Variants in PPL observed in about 807,000 individuals in gnomAD.
The protein encoded by PPL is 190 kDa paraneoplastic pemphigus antigen.
In PPL, 198 loss-of-function variants were observed where a neutral mutation model predicts 194.4. That is an observed-to-expected ratio of 1.02 (90% CI 0.91 to 1.15). The LOEUF is 1.15. Ranked by LOEUF, PPL falls within the 50% of genes most tolerant of loss-of-function variation. PPL has a pLI of 0.00. For missense variants in PPL, 2,885 were observed against 2,294.8 expected (o/e 1.26, Z -5.25); for synonymous variants, 1,220 against 972.4 (o/e 1.25, Z -4.74).
At position 4,890,690 on chromosome 16, in the gene PPL, CA is replaced by C. The variant is rs2088302347; in HGVS notation, c.2162+37del. 2.6e-6 allele frequency: 4 copies of C among 1,563,684 alleles called. No individual in the cohort carries two copies. The Admixed American group carries it at 6.1e-5, about 24-fold the overall frequency. On this transcript the variant is annotated intron_variant, in intron 17 of 21. Coordinates refer to ENST00000345988, the MANE Select transcript of PPL (RefSeq NM_002705.5). ...CTTAGAGGGAATTAGATCGCATTCT[CA>C]GAAAACAAAAATGGCCACCACCCAC...
intron 19 of PPL, chr16:4,888,617 A>C: frequency 3.0e-6 from 1 of 327,896 alleles, no homozygotes; most frequent in Admixed American, 4.4e-5. Context: ...GTGCTGATTC[A>C]CGCAGCTTTC....
At chr16:4,891,786 C>T (rs1347546452) in intron 16 of PPL, 25 bp downstream of exon 16, 2 of 1,589,828 alleles carry the variant, frequency 1.3e-6, no homozygotes, top group Admixed American at 3.5e-5. Flanking sequence ...GAGAAGGACT[C>T]CCAGGACTTG....
In PPL at chr16:4,885,976, C is replaced by A. The variant is rs757653380; in HGVS notation, c.2679G>T (p.Trp893Cys). The A allele has an allele frequency of 1.2e-6, 2 of 1,610,936 alleles. No individual in the cohort carries two copies. Among genetic ancestry groups the A allele is most frequent in the African/African-American group, 2.8e-5 (2 of 72,170 alleles). Residue 893 changes from tryptophan (W) to cysteine (C), a missense_variant, in exon 22 of 22, where the codon TGG (tryptophan) becomes TGT (cysteine). Trp to Cys is a radical substitution (Grantham distance 215, BLOSUM62 -2). Coordinates refer to ENST00000345988, the MANE Select transcript of PPL (RefSeq NM_002705.5). This position sits in a 1 kb window ranked among gnomAD's most constrained non-coding sequence, Gnocchi z 6.3. ...CCTCATCCAGTTCCTTCCTGATCTT[C>A]CACGCCTCCTCCACTCCAGAGTCCG... ...NRPDSGVEEAWKIRKELDEET... is the reference protein window; with the variant it reads ...NRPDSGVEEACKIRKELDEET...
Position 4,890,727 on chromosome 16 carries a change from C to A in PPL, c.2162+1G>T, listed in dbSNP as rs2039211818. The A allele has an allele frequency of 6.2e-7, 1 of 1,604,300 alleles. No homozygotes were observed. The highest frequency in any genetic ancestry group is 8.5e-7 in the Non-Finnish European group (1 of 1,175,890). On this transcript the variant is annotated splice_donor_variant, in intron 17 of 21. Transcript: ENST00000345988. LOFTEE classifies it high-confidence loss of function. ...ATGGCCACCACCCACCGCACCCTCA[C>A]CTGCGTTCCACCTGCTGGCGCAGGT...
Position 4,886,079 on chromosome 16 carries a change from C to T in PPL, c.2608-32G>A. On this transcript the variant is annotated intron_variant, in intron 21 of 21. Transcript: ENST00000345988. ...TGGAGAAGACAAGACAAGGTTAAAG[C>T]CAGGCTCTGGCAGCACATGTAGGGC... 5 of 1,612,828 alleles carry T rather than the reference C, an allele frequency of 3.1e-6. No individual in the cohort carries two copies. In the African/African-American group the frequency reaches 4.0e-5, roughly 13 times the overall value.
intron 1 of PPL, among the ~76,000 whole-genome samples, chr16:4,920,336 AGAGAGAGAGAG>A (rs2089018246): frequency 4.4e-5 from 2 of 45,310 alleles, no homozygotes; most frequent in Admixed American, 3.5e-4. Context: ...AGAAAGAAAG[AGAGAGAGAGAG>A]AAAGAAAGAA....
rs1194128488 is a variant in PPL at position 4,902,290 on chromosome 16, C to T, written c.438+116G>A. 5.4e-6 allele frequency: 8 copies of T among 1,485,570 alleles called. No homozygotes were observed. Among genetic ancestry groups the T allele is most frequent in the Non-Finnish European group, 5.4e-6 (6 of 1,102,342 alleles). 92.0% of individuals were successfully genotyped at this position (1,485,570 alleles called of 1,614,324 possible). A position where few individuals can be genotyped will look rare whatever the true frequency, so the allele number is the denominator to read the frequency against. Reference sequence around the variant, plus strand: ...GCACACTGGAAAACCATCAGGACCACGACTGTCTCCCTGGTAAGACCCGGG... The same window carrying T: ...GCACACTGGAAAACCATCAGGACCATGACTGTCTCCCTGGTAAGACCCGGG... On this transcript the variant is annotated intron_variant, in intron 4 of 21. Coordinates refer to ENST00000345988, the MANE Select transcript of PPL (RefSeq NM_002705.5). The surrounding 1 kb of genome is among the most constrained non-coding windows in gnomAD (Gnocchi z 4.0).
chr16:4,935,733 C>T (rs930796245), intron 1 of PPL, among the ~76,000 whole-genome samples: 7 of 152,226 alleles, frequency 4.6e-5, no homozygotes, highest in Non-Finnish European at 8.8e-5. Flanking sequence ...TAGGGCCCCG[C>T]CGCCTGCACC....
At chr16:4,900,235 G>A (rs989993466) in intron 6 of PPL, among the ~76,000 whole-genome samples, 2 of 152,062 alleles carry the variant, frequency 1.3e-5, no homozygotes, top group African/African-American at 4.8e-5. Flanking sequence ...AAAATGGAAA[G>A]CTTTTGTATA....
intron 1 of PPL, among the ~76,000 whole-genome samples, chr16:4,917,159 CA>C (rs976917930): frequency 4.6e-5 from 7 of 151,776 alleles, no homozygotes; most frequent in African/African-American, 1.5e-4. Context: ...AAAACAAAAA[CA>C]AAAAAACAAA....
chr16:4,930,010 C>T (rs1182777898), intron 1 of PPL, among the ~76,000 whole-genome samples: 1 of 152,250 alleles, frequency 6.6e-6, no homozygotes, highest in East Asian at 1.9e-4. Context: ...TACATAGACA[C>T]ATCTGCATTC....
Position 4,884,800 on chromosome 16 carries a change from C to G in PPL, c.3855G>C (p.Gln1285His), listed in dbSNP as rs770493618. The change falls in exon 22 of 22, where the codon CAG becomes CAC. Residue 1285 changes from glutamine (Q) to histidine (H), a missense_variant. Transcript: ENST00000345988. This position sits in a 1 kb window ranked among gnomAD's most constrained non-coding sequence, Gnocchi z 5.7. ...EIQALKDTKP[Q>H]VQTKEVVQEI... is the part of the protein sequence containing the mutation. ...CCTGGACCACCTCTTTGGTCTGGAC[C>G]TGGGGTTTGGTGTCTTTCAGGGCCT... The G allele has an allele frequency of 8.1e-6, 13 of 1,613,966 alleles. No individual in the cohort carries two copies. The highest frequency in any genetic ancestry group is 1.1e-5 in the Non-Finnish European group (13 of 1,180,030).
rs140480037 is a variant in PPL at position 4,888,180 on chromosome 16, G to C, written c.2436C>G (p.Leu812=). Reference sequence around the variant, plus strand: ...GGCTTCTCCTTCCATTCTCCAAGTCGAGAAGAGACCTTAGTTTTTCTGCTT... The same window carrying C: ...GGCTTCTCCTTCCATTCTCCAAGTCCAGAAGAGACCTTAGTTTTTCTGCTT... ...ELEAEKLRSL[L]DLENGRRSHV... Residue 812 remains leucine (L), a synonymous_variant, in exon 20 of 22, where the codon CTC becomes CTG. Coordinates refer to ENST00000345988, the MANE Select transcript of PPL (RefSeq NM_002705.5). 88 of 1,613,588 alleles carry C rather than the reference G, an allele frequency of 5.5e-5. No individual in the cohort carries two copies. Among genetic ancestry groups the C allele is most frequent in the Non-Finnish European group, 7.3e-5 (86 of 1,179,518 alleles).
At position 4,903,965 on chromosome 16, in the gene PPL, T is replaced by C. The variant is rs755741087; in HGVS notation, c.238A>G (p.Lys80Glu). The C allele has an allele frequency of 6.8e-6, 11 of 1,613,984 alleles. No homozygotes were observed. The highest frequency in any genetic ancestry group is 9.3e-6 in the Non-Finnish European group (11 of 1,180,036). The change falls in exon 3 of 22, where the codon AAG becomes GAG. Residue 80 changes from lysine to glutamate, a missense_variant. Physicochemically the swap from Lys to Glu is moderately conservative, Grantham distance 56. Transcript: ENST00000345988. ...TCCGCCTCTAGCACATAGAGCAGCT[T>C]CTCAGAGTCCAACACCTTCTGCAGG... ...VTLQKVLDSE[K>E]LLYVLEADAA...
At chr16:4,932,572 C>G (rs114424788) in intron 1 of PPL, among the ~76,000 whole-genome samples, 3,196 of 152,086 alleles carry the variant, frequency 0.021, 131 homozygotes, top group African/African-American at 0.074. Flanking sequence ...CGCCACCACA[C>G]CCAGCTAATT....
At position 4,884,323 on chromosome 16, in the gene PPL, C is replaced by A. The variant is rs199867431; in HGVS notation, c.4332G>T (p.Thr1444=). 2 of 1,613,086 alleles carry A rather than the reference C, an allele frequency of 1.2e-6. No homozygotes were observed. Among genetic ancestry groups the A allele is most frequent in the Admixed American group, 3.4e-5 (2 of 59,650 alleles). The part of the protein sequence containing the change: ...EAEAREKVTH[T]QKVVLQQDPQ... The stretch of plus-strand genomic sequence containing the variant: ...GGTCCTGCTGCAGCACCACCTTCTG[C>A]GTATGGGTTACCTTCTCACGGGCCT... The change falls in exon 22 of 22, where the codon ACG becomes ACT. Residue 1444 remains threonine, a synonymous_variant. Transcript: ENST00000345988. The surrounding 1 kb of genome is among the most constrained non-coding windows in gnomAD (Gnocchi z 5.7).
Position 4,885,308 on chromosome 16 carries a change from T to G in PPL, c.3347A>C (p.Glu1116Ala). 1 of 1,612,284 alleles carries G rather than the reference T, an allele frequency of 6.2e-7. No homozygotes were observed. The highest frequency in any genetic ancestry group is 8.5e-7 in the Non-Finnish European group (1 of 1,179,904). Residue 1116 changes from glutamate to alanine, a missense_variant, in exon 22 of 22, where the codon GAG becomes GCG. Glu to Ala is a moderately radical substitution (Grantham distance 107, BLOSUM62 -1). Transcript: ENST00000345988. This position sits in a 1 kb window ranked among gnomAD's most constrained non-coding sequence, Gnocchi z 6.3. ...AMAEGKITVK[E>A]VLKVEKDAAT... ...CGCGTCCTTCTCCACCTTGAGCACC[T>G]CCTTGACGGTGATCTTGCCCTCGGC... is the stretch of plus-strand genomic sequence containing the variant.
chr16:4,916,613 T>A (rs1348526905), intron 1 of PPL, among the ~76,000 whole-genome samples: 1 of 151,866 alleles, frequency 6.6e-6, no homozygotes, highest in East Asian at 1.9e-4. Flanking sequence ...TCAAGCAATC[T>A]TTGTACCTCA....
At chr16:4,899,458 GC>G in intron 6 of PPL, 74 bp from the exon 7 acceptor site, 1 of 1,525,052 alleles carries the variant, frequency 6.6e-7, no homozygotes, top group South Asian at 1.3e-5. Context: ...CCTACCTCCT[GC>G]AGGGCCCAGC....
Sources: gnomAD v4.1 joint callset for allele counts (sites outside exome capture counted in the v4.1 genomes callset) on GRCh38, gnomAD v4.1.1 for gene constraint, Gnocchi (gnomAD v3.1) non-coding constraint, MANE v1.5 for transcripts, NCBI Gene and HGNC (gene_info 2026-07-23, HGNC 2026-07-21) for gene names.